The following SHANK2 variants were observed in gnomAD, a reference collection of about 807,000 sequenced individuals.
SHANK2 encodes the protein SH3 and multiple ankyrin repeat domains protein 2.
A neutral mutation model predicts 133.7 loss-of-function variants in SHANK2; 43 were observed. The ratio of observed to expected loss-of-function variants is 0.32; its 90% CI spans 0.25 to 0.41. The LOEUF is 0.41. Among genes scored for constraint, SHANK2 ranks in the 10% least tolerant of loss-of-function variants. SHANK2 has a pLI of 1.00. For synonymous variants in SHANK2, 1,017 were observed against 952.8 expected (o/e 1.07, Z -1.24); for missense variants, 1,994 against 2,235.8 (o/e 0.89, Z 2.18).
intron 11 of SHANK2, among the ~76,000 whole-genome samples, chr11:70,829,636 T>C (rs1332070540): frequency 6.1e-3 from 3 of 492 alleles, no homozygotes; most frequent in Non-Finnish European, 7.6e-3. Context: ...GGATGAGGCT[T>C]TGGACACAAG....
Position 70,623,324 on chromosome 11 carries a change from T to C in SHANK2, c.2061+36504A>G, listed in dbSNP as rs551042012. Among the ~76,000 whole-genome samples, 19 of 129,482 alleles carry C rather than the reference T, an allele frequency of 1.5e-4. No homozygotes were observed. In the East Asian group the frequency reaches 3.9e-3, roughly 27 times the overall value. 84.9% of individuals were successfully genotyped at this position (129,482 alleles called of 152,430 possible). A position where few individuals can be genotyped will look rare whatever the true frequency, so the allele number is the denominator to read the frequency against. ...GGCTCTAAGCCCACCTCCTCCGAGGTTGCCGACCTTCCCTGCCGGCCAGCA... is the reference window on the plus strand; with the variant it reads ...GGCTCTAAGCCCACCTCCTCCGAGGCTGCCGACCTTCCCTGCCGGCCAGCA... On this transcript the variant is annotated intron_variant, in intron 17 of 25. Transcript: ENST00000601538.
At chr11:70,814,839 C>A (rs905587755) in intron 12 of SHANK2, among the ~76,000 whole-genome samples, 3 of 152,214 alleles carry the variant, frequency 2.0e-5, no homozygotes, top group Admixed American at 2.0e-4. Context: ...CAGGACATTC[C>A]CTGGTGGGTG....
chr11:70,881,204 ATTATT>A (rs1949654464), intron 11 of SHANK2, among the ~76,000 whole-genome samples: 1 of 152,082 alleles, frequency 6.6e-6, no homozygotes, highest in Non-Finnish European at 1.5e-5. Flanking sequence ...CGCTTGGCTA[ATTATT>A]TTATTTTCTA....
intron 25 of SHANK2, among the ~76,000 whole-genome samples, chr11:70,478,172 A>G (rs1284775933): frequency 1.3e-5 from 2 of 151,194 alleles, no homozygotes; most frequent in African/African-American, 4.9e-5. Context: ...TACAAATTCA[A>G]TTTGGCTTTT....
At chr11:70,647,155 C>T (rs1178016570) in intron 17 of SHANK2, among the ~76,000 whole-genome samples, 5 of 152,194 alleles carry the variant, frequency 3.3e-5, no homozygotes, top group South Asian at 2.1e-4. Context: ...TATGAGCCAC[C>T]GCGCCCAGCC....
Position 70,473,337 on chromosome 11 carries a change from G to A in SHANK2, c.5082C>T (p.Pro1694=). The change falls in exon 26 of 26, where the codon CCC becomes CCT. Residue 1694 remains proline (P), a synonymous_variant. Transcript: ENST00000601538. The surrounding 1 kb of genome is among the most constrained non-coding windows in gnomAD (Gnocchi z 5.9). The part of the protein sequence containing the change: ...TSQPITLQSR[P]PDYESRTSGT... ...CTGAGGTCCTGCTTTCATAGTCGGGGGGCCGGCTCTGCAGGGTGATGGGCT... is the reference window on the plus strand; with the variant it reads ...CTGAGGTCCTGCTTTCATAGTCGGGAGGCCGGCTCTGCAGGGTGATGGGCT... 1.2e-6 allele frequency: 2 copies of A among 1,613,520 alleles called. No homozygotes were observed. The highest frequency in any genetic ancestry group is 2.2e-5 in the South Asian group (2 of 91,082).
intron 17 of SHANK2, among the ~76,000 whole-genome samples, chr11:70,567,228 C>A (rs1301363857): frequency 1.3e-5 from 2 of 152,218 alleles, no homozygotes; most frequent in African/African-American, 2.4e-5. Flanking sequence ...ACCTCCGGTA[C>A]TCAAGGGTGT....
chr11:70,560,933 C>G (rs1329107139), intron 17 of SHANK2, among the ~76,000 whole-genome samples: 2 of 151,916 alleles, frequency 1.3e-5, no homozygotes, highest in Middle Eastern at 3.2e-3. Context: ...GGCCCACTTA[C>G]TATAAAGATA....
intron 14 of SHANK2, among the ~76,000 whole-genome samples, chr11:70,751,534 G>A (rs1946748709): frequency 6.6e-6 from 1 of 152,242 alleles, no homozygotes; most frequent in Non-Finnish European, 1.5e-5. Context: ...GCTTGGAATG[G>A]AATGGATATG....
chr11:70,916,219 G>T (rs1950267079), intron 10 of SHANK2, among the ~76,000 whole-genome samples: 1 of 152,178 alleles, frequency 6.6e-6, no homozygotes, highest in Non-Finnish European at 1.5e-5. Flanking sequence ...CTTGGGAGAG[G>T]GTAGAGTTCA....
chr11:70,628,660 T>C (rs1555000851), intron 17 of SHANK2, among the ~76,000 whole-genome samples: 1 of 152,162 alleles, frequency 6.6e-6, no homozygotes, highest in African/African-American at 2.4e-5. Flanking sequence ...GATGCTGCTG[T>C]CATCCCCCAA....
chr11:70,525,126 CAG>C (rs1327754321), intron 17 of SHANK2, among the ~76,000 whole-genome samples: 6 of 152,266 alleles, frequency 3.9e-5, no homozygotes, highest in African/African-American at 1.4e-4. Flanking sequence ...CCATGGCAAA[CAG>C]GGACGCGTGT....
At chr11:70,827,496 G>A (rs1205116246) in intron 11 of SHANK2, among the ~76,000 whole-genome samples, 1 of 152,092 alleles carries the variant, frequency 6.6e-6, no homozygotes, top group Non-Finnish European at 1.5e-5. Flanking sequence ...ATGCAGGCTG[G>A]TGCCCTGTGG....
chr11:70,477,904 C>G (rs188819724), intron 25 of SHANK2, among the ~76,000 whole-genome samples: 1 of 152,308 alleles, frequency 6.6e-6, no homozygotes, highest in East Asian at 1.9e-4. Flanking sequence ...CGTTGCTAAG[C>G]AACCGCTGGG....
At position 70,486,202 on chromosome 11, in the gene SHANK2, G is replaced by A. The variant is rs1361211991; in HGVS notation, c.4091C>T (p.Ala1364Val). ...GCCGGGCACGGTGGTGGGCTCGGGGGCAGCGGAGATCTGTAAAGCACCTTC... is the reference window on the plus strand; with the variant it reads ...GCCGGGCACGGTGGTGGGCTCGGGGACAGCGGAGATCTGTAAAGCACCTTC... ...ETEGALQISA[A>V]PEPTTVPGRT... Residue 1364 changes from alanine (A) to valine (V), a missense_variant, in exon 25 of 26, where the codon GCC (alanine) becomes GTC (valine). This residue lies in a region of SHANK2 where 797 missense variants were observed against 907.4 expected (regional missense o/e 0.88). Transcript: ENST00000601538. This position sits in a 1 kb window ranked among gnomAD's most constrained non-coding sequence, Gnocchi z 8.0. 5.0e-6 allele frequency: 8 copies of A among 1,613,634 alleles called. No homozygotes were observed. The highest frequency in any genetic ancestry group is 2.2e-5 in the South Asian group (2 of 91,076).
chr11:71,213,733 C>T (rs1555119202), intron 2 of SHANK2, among the ~76,000 whole-genome samples: 1 of 151,456 alleles, frequency 6.6e-6, no homozygotes, highest in Non-Finnish European at 1.5e-5. Flanking sequence ...CCCTCTCTGG[C>T]TCTTGCCAGC....
chr11:71,089,127 C>T (rs929400311), intron 8 of SHANK2, among the ~76,000 whole-genome samples: 2 of 152,222 alleles, frequency 1.3e-5, no homozygotes, highest in African/African-American at 4.8e-5. Context: ...TGCCCTTTTC[C>T]AAGCAGGTCA....
At chr11:71,131,408 G>A (rs782773563) in intron 3 of SHANK2, among the ~76,000 whole-genome samples, 57 of 152,186 alleles carry the variant, frequency 3.7e-4, no homozygotes, top group Non-Finnish European at 6.9e-4. Flanking sequence ...ATGTTTAAAC[G>A]CCAATAAAGG....
intron 10 of SHANK2, among the ~76,000 whole-genome samples, chr11:70,914,131 C>T (rs1555079503): frequency 6.6e-6 from 1 of 152,148 alleles, no homozygotes; most frequent in African/African-American, 2.4e-5. Flanking sequence ...GCCACACTGC[C>T]ACTGCAGCAT....
Sources: gnomAD v4.1 joint callset for allele counts (sites outside exome capture counted in the v4.1 genomes callset) on GRCh38, gnomAD v4.1.1 for gene constraint, gnomAD v4.1.1 regional missense constraint, Gnocchi (gnomAD v3.1) non-coding constraint, MANE v1.5 for transcripts, NCBI Gene and HGNC (gene_info 2026-07-23, HGNC 2026-07-21) for gene names.